KCNH1: variants seen among roughly 807,000 people sequenced by gnomAD.
The protein encoded by KCNH1 is potassium voltage-gated channel subfamily H member 1.
A neutral mutation model predicts 69.2 loss-of-function variants in KCNH1; 27 were observed. The ratio of observed to expected loss-of-function variants is 0.39; its 90% confidence interval spans 0.29 to 0.54. The LOEUF (loss-of-function observed/expected upper bound fraction) is 0.54. KCNH1 is among the 20% of genes least tolerant of loss of function. The pLI, the probability that KCNH1 is intolerant of heterozygous loss-of-function variation, is 0.68. For missense variants in KCNH1, 798 were observed against 1,261.6 expected, an observed-to-expected ratio of 0.63 and a Z score of 5.57; for synonymous variants, 456 against 487.7, an observed-to-expected ratio of 0.93 and a Z score of 0.86.
Position 211,134,076 on chromosome 1 carries a change from G to A in KCNH1, c.-131C>T. The A allele has an allele frequency of 1.4e-6, 1 of 728,666 alleles. No individual in the cohort carries two copies. The highest frequency in any genetic ancestry group is 1.8e-5 in the South Asian group (1 of 56,428). The allele number at this position is 728,666 out of a possible 1,614,324, so 45.1% of individuals were successfully genotyped here. On this transcript the variant is annotated 5_prime_UTR_variant, in exon 1 of 11. Transcript: ENST00000271751. The surrounding 1 kb of genome is among the most constrained non-coding windows in gnomAD (Gnocchi z 5.7). ...CGCCCGGCGGGGATCCGCAGGCAGG[G>A]CTGGCGGCTCCCTCTGGCTGCTACC...
At chr1:210,817,542 G>A (rs528495150) in intron 7 of KCNH1, among the ~76,000 whole-genome samples, 2 of 152,276 alleles carry the variant, frequency 1.3e-5, no homozygotes, top group East Asian at 1.9e-4. Flanking sequence ...ACAGATGGAA[G>A]AAAACACCCA....
chr1:210,984,752 T>TG (rs1021309099), intron 6 of KCNH1, among the ~76,000 whole-genome samples: 3 of 152,022 alleles, frequency 2.0e-5, no homozygotes, highest in Admixed American at 6.6e-5. Context: ...TCTCTTTTTT[T>TG]GTTGTGTCTC....
At chr1:211,029,386 G>C (rs1332844036) in intron 5 of KCNH1, among the ~76,000 whole-genome samples, 2 of 120,906 alleles carry the variant, frequency 1.7e-5, no homozygotes, top group Non-Finnish European at 3.4e-5. Flanking sequence ...AGAGTGCAAG[G>C]CTGGCTCAAT....
intron 7 of KCNH1, among the ~76,000 whole-genome samples, chr1:210,809,176 G>T (rs895624213): frequency 6.6e-6 from 1 of 152,052 alleles, no homozygotes; most frequent in East Asian, 1.9e-4. Flanking sequence ...CTGGGGAGGT[G>T]GGGGAGGGAG....
At chr1:210,940,282 G>A (rs1344605490) in intron 6 of KCNH1, among the ~76,000 whole-genome samples, 3 of 152,192 alleles carry the variant, frequency 2.0e-5, no homozygotes, top group African/African-American at 7.2e-5. Context: ...ATGCCCTTAT[G>A]TTGCCTACAA....
chr1:210,740,684 T>C (rs1558449224), intron 10 of KCNH1, among the ~76,000 whole-genome samples: 3 of 151,060 alleles, frequency 2.0e-5, no homozygotes, highest in African/African-American at 4.9e-5. Flanking sequence ...AAAAAGTCTC[T>C]GATTAAATTT....
At chr1:210,985,314 C>T (rs534993535) in intron 6 of KCNH1, among the ~76,000 whole-genome samples, 54 of 152,142 alleles carry the variant, frequency 3.5e-4, no homozygotes, top group South Asian at 2.3e-3. Context: ...TTATTTCTTG[C>T]CTTCTGCTAG....
intron 7 of KCNH1, among the ~76,000 whole-genome samples, chr1:210,883,041 C>G (rs1278965862): frequency 6.6e-6 from 1 of 152,108 alleles, no homozygotes; most frequent in Admixed American, 6.6e-5. Context: ...ATGAATAAAT[C>G]CTACCCTAAC....
chr1:210,896,856 G>A (rs1398235254), intron 7 of KCNH1, among the ~76,000 whole-genome samples: 1 of 152,196 alleles, frequency 6.6e-6, no homozygotes, highest in Non-Finnish European at 1.5e-5. Flanking sequence ...CATGGAGGAG[G>A]TTGTGTATGG....
chr1:211,047,226 C>A (rs1230108881), intron 5 of KCNH1, among the ~76,000 whole-genome samples: 3 of 152,126 alleles, frequency 2.0e-5, no homozygotes, highest in African/African-American at 7.2e-5. Context: ...AGGTCTAAAC[C>A]ATGAAGTTAT....
intron 10 of KCNH1, among the ~76,000 whole-genome samples, chr1:210,699,401 AT>A (rs1355449981): frequency 6.6e-6 from 1 of 152,234 alleles, no homozygotes; most frequent in Non-Finnish European, 1.5e-5. Context: ...TGGCAGGGGA[AT>A]ACCTTTGTAG....
At chr1:210,971,056 G>C (rs1688503023) in intron 6 of KCNH1, among the ~76,000 whole-genome samples, 1 of 152,104 alleles carries the variant, frequency 6.6e-6, no homozygotes, top group Non-Finnish European at 1.5e-5. Flanking sequence ...CAACATCACT[G>C]ATCATTAGAG....
chr1:210,879,034 A>G (rs1359486710), intron 7 of KCNH1, among the ~76,000 whole-genome samples: 1 of 152,028 alleles, frequency 6.6e-6, no homozygotes, highest in Non-Finnish European at 1.5e-5. Context: ...AATCTAGATG[A>G]AAATGACCAG....
At chr1:210,980,726 T>C (rs1265006877) in intron 6 of KCNH1, among the ~76,000 whole-genome samples, 1 of 152,118 alleles carries the variant, frequency 6.6e-6, no homozygotes, top group Admixed American at 6.6e-5. Context: ...GTCCATCCAG[T>C]TCTCTGGTTC....
chr1:210,781,025 T>C (rs1449957563), intron 9 of KCNH1, among the ~76,000 whole-genome samples: 1 of 152,136 alleles, frequency 6.6e-6, no homozygotes, highest in Non-Finnish European at 1.5e-5. Context: ...CCAGCCTGGA[T>C]GACAGAGCGA....
intron 6 of KCNH1, among the ~76,000 whole-genome samples, chr1:210,920,566 T>C (rs1015947379): frequency 6.6e-6 from 1 of 152,176 alleles, no homozygotes; most frequent in Non-Finnish European, 1.5e-5. Flanking sequence ...ATAGAGGTTA[T>C]TGCTGCATTA....
Position 210,678,369 on chromosome 1 carries a change from A to G in KCNH1, c.*4912T>C, listed in dbSNP as rs1681185415. ...AATAAAACTTTTTTTTTTTACAAAT[A>G]TCATTTGTGCTTGTTTAAAAATGTT... On this transcript the variant is annotated 3_prime_UTR_variant, in exon 11 of 11. Coordinates refer to ENST00000271751, the MANE Select transcript of KCNH1 (RefSeq NM_172362.3). 6.6e-6 allele frequency: 1 copy of G among 152,066 alleles called. No homozygotes were observed. Among genetic ancestry groups the G allele is most frequent in the South Asian group, 2.1e-4 (1 of 4,828 alleles). 9.4% of individuals were successfully genotyped at this position (152,066 alleles called of 1,614,324 possible).
intron 7 of KCNH1, among the ~76,000 whole-genome samples, chr1:210,837,632 A>G (rs1462889527): frequency 1.3e-5 from 2 of 152,236 alleles, no homozygotes; most frequent in Non-Finnish European, 2.9e-5. Flanking sequence ...GACAACAATG[A>G]TTAACAGACC....
At chr1:211,009,605 C>CT (rs60367224) in intron 6 of KCNH1, among the ~76,000 whole-genome samples, 16 of 148,434 alleles carry the variant, frequency 1.1e-4, no homozygotes, top group South Asian at 2.1e-4. Flanking sequence ...ATTTTCTTTT[C>CT]TTTTTTTTTT....
Sources: gnomAD v4.1 joint callset for allele counts (sites outside exome capture counted in the v4.1 genomes callset) on GRCh38, gnomAD v4.1.1 for gene constraint, Gnocchi (gnomAD v3.1) non-coding constraint, MANE v1.5 for transcripts, NCBI Gene and HGNC (gene_info 2026-07-23, HGNC 2026-07-21) for gene names.